The following PCDHGB2 variants were observed in gnomAD, a reference collection of about 807,000 sequenced individuals.
The protein encoded by PCDHGB2 is protocadherin gamma-B2.
Under a neutral mutation model 59.3 loss-of-function variants are expected in PCDHGB2, and 55 were observed. The observed-to-expected ratio is 0.93, with a 90% confidence interval of 0.75 to 1.16. The LOEUF (loss-of-function observed/expected upper bound fraction) is 1.16. Among genes scored for constraint, PCDHGB2 ranks in the 50% most tolerant of loss-of-function variants. The pLI is 0.00. For missense variants in PCDHGB2, 1,228 were observed against 1,198.5 expected (o/e 1.02, Z -0.36); for synonymous variants, 516 against 512.0 (o/e 1.01, Z -0.11).
At chr5:141,497,827 C>T (rs1390986916) in intron 2 of PCDHGB2, among the ~76,000 whole-genome samples, 3 of 152,188 alleles carry the variant, frequency 2.0e-5, no homozygotes, top group East Asian at 3.9e-4. Flanking sequence ...GGTGTGATCG[C>T]CCCCGGCCAC....
chr5:141,374,761 C>G, intron 1 of PCDHGB2: 3 of 1,613,458 alleles, frequency 1.9e-6, no homozygotes, highest in South Asian at 1.1e-5. Context: ...CAAGCGTCGC[C>G]CAAATTCTGG....
intron 1 of PCDHGB2, among the ~76,000 whole-genome samples, chr5:141,457,459 CA>C (rs1402759850): frequency 6.6e-6 from 1 of 152,166 alleles, no homozygotes; most frequent in Non-Finnish European, 1.5e-5. Context: ...CCACTTGATT[CA>C]CAGGAATAAG....
intron 1 of PCDHGB2, chr5:141,441,731 C>G: frequency 2.8e-6 from 1 of 362,226 alleles, no homozygotes; most frequent in South Asian, 2.2e-5. Context: ...GCGACCAGGA[C>G]TAGCTCGCGC....
chr5:141,404,361 C>A, intron 1 of PCDHGB2: 3 of 1,613,956 alleles, frequency 1.9e-6, no homozygotes, highest in Non-Finnish European at 2.5e-6. Context: ...AGAGGTACTT[C>A]CATCTTCTCC....
At chr5:141,481,913 C>CAA (rs34114744) in intron 1 of PCDHGB2, among the ~76,000 whole-genome samples, 26 of 90,736 alleles carry the variant, frequency 2.9e-4, no homozygotes, top group Non-Finnish European at 3.5e-4. Context: ...AACTCCATCT[C>CAA]AAAAAAAAAA....
intron 2 of PCDHGB2, among the ~76,000 whole-genome samples, chr5:141,502,239 A>G (rs2099813426): frequency 6.6e-6 from 1 of 152,148 alleles, no homozygotes; most frequent in Admixed American, 6.5e-5. Flanking sequence ...GTGTTCTTTT[A>G]TCCTTTTTTT....
intron 1 of PCDHGB2, among the ~76,000 whole-genome samples, chr5:141,450,782 C>G (rs1012152203): frequency 6.6e-6 from 1 of 151,236 alleles, no homozygotes; most frequent in Non-Finnish European, 1.5e-5. Context: ...CCACCGTGCC[C>G]GGACCTCATG....
At chr5:141,376,354 C>G in intron 1 of PCDHGB2, 1 of 1,614,208 alleles carries the variant, frequency 6.2e-7, no homozygotes, top group South Asian at 1.1e-5. Context: ...CCCACGAGGT[C>G]TCACTCACTG....
chr5:141,491,648 T>C lies in PCDHGB2; in HGVS notation c.2422-3159T>C. ...GTTCAGCAGCCCACAGCTCTGGCGC[T>C]GGAGCCTGACGCCATCCGGTCCCGC... On this transcript the variant is annotated intron_variant, in intron 1 of 3. Transcript: ENST00000522605. The surrounding 1 kb of genome is among the most constrained non-coding windows in gnomAD (Gnocchi z 6.9). 2 of 1,613,834 alleles carry C rather than the reference T, an allele frequency of 1.2e-6. No individual in the cohort carries two copies. Among genetic ancestry groups the C allele is most frequent in the South Asian group, 1.1e-5 (1 of 91,082 alleles).
chr5:141,494,656 C>CT, intron 1 of PCDHGB2, 151 bp from the exon 2 acceptor site: 1 of 1,478,476 alleles, frequency 6.8e-7, no homozygotes, highest in Non-Finnish European at 9.1e-7. Flanking sequence ...TGTATTTTGT[C>CT]TTTGGAGATG....
chr5:141,372,713 A>T, intron 1 of PCDHGB2: 2 of 1,613,998 alleles, frequency 1.2e-6, no homozygotes, highest in South Asian at 2.2e-5. Flanking sequence ...TAAAGGCTGA[A>T]AATGCTGCAC....
At position 141,372,283 on chromosome 5, in the gene PCDHGB2, G is replaced by T. The variant is rs749946527; in HGVS notation, c.2421+9727G>T. On this transcript the variant is annotated intron_variant, in intron 1 of 3. Coordinates refer to ENST00000522605, the MANE Select transcript of PCDHGB2 (RefSeq NM_018923.3). Reference sequence around the variant, plus strand: ...CGCACGGGTGAGGTGCGCACGGCGCGTACCTTGGGCGACAGGGAGGCCGCC... The same window carrying T: ...CGCACGGGTGAGGTGCGCACGGCGCTTACCTTGGGCGACAGGGAGGCCGCC... 2.9e-5 allele frequency: 47 copies of T among 1,613,080 alleles called. No individual in the cohort carries two copies. Among genetic ancestry groups the T allele is most frequent in the Non-Finnish European group, 2.7e-5 (32 of 1,179,872 alleles).
Position 141,362,151 on chromosome 5 carries a change from G to C in PCDHGB2, c.2016G>C (p.Leu672Phe), listed in dbSNP as rs570950443. Reference protein sequence around the residue: ...LIFADSLQEVLPDLSDRREPS... With the variant: ...LIFADSLQEVFPDLSDRREPS... ...TCGCGGATAGCCTGCAAGAGGTATT[G>C]CCAGACCTCAGCGACCGCCGGGAGC... The change falls in exon 1 of 4, where the codon TTG becomes TTC. Residue 672 changes from leucine to phenylalanine, a missense_variant. Physicochemically the swap from Leu to Phe is conservative, Grantham distance 22. Transcript: ENST00000522605. The C allele has an allele frequency of 3.1e-6, 5 of 1,614,026 alleles. No individual in the cohort carries two copies. The highest frequency in any genetic ancestry group is 1.7e-4 in the Middle Eastern group (1 of 6,060).
chr5:141,427,638 C>A, intron 1 of PCDHGB2: 1 of 708,528 alleles, frequency 1.4e-6, no homozygotes, highest in East Asian at 2.7e-5. Context: ...GGTTTTCCAC[C>A]AAGTCTCCTA....
chr5:141,418,080 A>T (rs1590086455), intron 1 of PCDHGB2: 1 of 1,614,046 alleles, frequency 6.2e-7, no homozygotes, highest in East Asian at 2.2e-5. Flanking sequence ...GAGAAGCTGC[A>T]CTTCAGCGTA....
At chr5:141,389,254 T>C (rs1589085552) in intron 1 of PCDHGB2, 1 of 1,614,012 alleles carries the variant, frequency 6.2e-7, no homozygotes. Flanking sequence ...TCCTATATAG[T>C]CCACGTGGCC....
Position 141,404,829 on chromosome 5 carries a change from T to C in PCDHGB2, c.2421+42273T>C. Reference sequence around the variant, plus strand: ...TCGGTGGGGCTGCACACAGGTGAAGTGCGCACAGCTCGGGCCCTGCTAGAT... The same window carrying C: ...TCGGTGGGGCTGCACACAGGTGAAGCGCGCACAGCTCGGGCCCTGCTAGAT... On this transcript the variant is annotated intron_variant, in intron 1 of 3. Transcript: ENST00000522605. 1.9e-6 allele frequency: 3 copies of C among 1,608,020 alleles called. No individual in the cohort carries two copies. The South Asian group carries it at 3.3e-5, about 18-fold the overall frequency.
chr5:141,475,981 G>A, intron 1 of PCDHGB2: 1 of 1,042,940 alleles, frequency 9.6e-7, no homozygotes, highest in Non-Finnish European at 1.4e-6. Context: ...CTGAACAGCC[G>A]GCGAGCAAAT....
At chr5:141,365,624 CT>C (rs746073456) in intron 1 of PCDHGB2, 28 of 1,613,680 alleles carry the variant, frequency 1.7e-5, no homozygotes, top group East Asian at 1.3e-4. Flanking sequence ...AACCCCGCCC[CT>C]CTCTACAGAA....
Sources: gnomAD v4.1 joint callset for allele counts (sites outside exome capture counted in the v4.1 genomes callset) on GRCh38, gnomAD v4.1.1 for gene constraint, Gnocchi (gnomAD v3.1) non-coding constraint, MANE v1.5 for transcripts, NCBI Gene and HGNC (gene_info 2026-07-23, HGNC 2026-07-21) for gene names.